GPR158: variants seen among roughly 807,000 people sequenced by gnomAD.
GPR158 encodes metabotropic glycine receptor.
A neutral mutation model predicts 78.2 loss-of-function variants in GPR158; 30 were observed. That is an observed-to-expected ratio of 0.38 (90% CI 0.29 to 0.52). The LOEUF (loss-of-function observed/expected upper bound fraction) is 0.52. Among genes scored for constraint, GPR158 ranks in the 20% least tolerant of loss-of-function variants. The pLI is 0.83. For synonymous variants in GPR158, 581 were observed against 591.1 expected (o/e 0.98, Z 0.25); for missense variants, 1,463 against 1,523.5 (o/e 0.96, Z 0.66).
At chr10:25,485,284 T>G (rs1835720949) in intron 5 of GPR158, among the ~76,000 whole-genome samples, 1 of 152,044 alleles carries the variant, frequency 6.6e-6, no homozygotes, top group South Asian at 2.1e-4. Flanking sequence ...AATCATACTT[T>G]AAGTGTCAAG....
chr10:25,501,647 G>A (rs1380080871), intron 5 of GPR158, among the ~76,000 whole-genome samples: 1 of 152,170 alleles, frequency 6.6e-6, no homozygotes, highest in Non-Finnish European at 1.5e-5. Flanking sequence ...TGGGAATGCG[G>A]CTCTGGCCAG....
rs543065245 is a variant in GPR158 at position 25,223,305 on chromosome 10, G to A, written c.1008+2148G>A. ...GTTCAACTTGCACTCTGTCATTCTCGCCCCCTTTCATTGCCCAGGTACTGG... is the reference window on the plus strand; with the variant it reads ...GTTCAACTTGCACTCTGTCATTCTCACCCCCTTTCATTGCCCAGGTACTGG... On this transcript the variant is annotated intron_variant, in intron 2 of 10. Transcript: ENST00000376351. Among the ~76,000 whole-genome samples, 12 of 152,176 alleles carry A rather than the reference G, an allele frequency of 7.9e-5. No homozygotes were observed. The South Asian group carries it at 1.0e-3, about 13-fold the overall frequency.
At chr10:25,422,880 A>G (rs1042002298) in intron 4 of GPR158, among the ~76,000 whole-genome samples, 1 of 95,006 alleles carries the variant, frequency 1.1e-5, no homozygotes, top group African/African-American at 3.3e-5. Flanking sequence ...CAAGTCCCCA[A>G]AGTTCATTGT....
chr10:25,544,233 C>T (rs1423727689), intron 5 of GPR158, among the ~76,000 whole-genome samples: 1 of 152,026 alleles, frequency 6.6e-6, no homozygotes, highest in Non-Finnish European at 1.5e-5. Context: ...TTCAATGCAA[C>T]GTCTTTATAA....
intron 2 of GPR158, among the ~76,000 whole-genome samples, chr10:25,395,523 C>A (rs1012302619): frequency 6.6e-6 from 1 of 152,128 alleles, no homozygotes; most frequent in Non-Finnish European, 1.5e-5. Context: ...TACCCACCTA[C>A]CTACCTTTGC....
At chr10:25,364,191 G>A (rs34692830) in intron 2 of GPR158, among the ~76,000 whole-genome samples, 23,885 of 151,566 alleles carry the variant, frequency 0.16, 2,177 homozygotes, top group African/African-American at 0.25. Context: ...AATATAGCTG[G>A]GACTTTAATT....
At chr10:25,325,625 C>G (rs1855019213) in intron 2 of GPR158, among the ~76,000 whole-genome samples, 1 of 152,104 alleles carries the variant, frequency 6.6e-6, no homozygotes, top group Admixed American at 6.6e-5. Context: ...TTGGCTATAT[C>G]CCAGAAGTGA....
chr10:25,436,154 T>C (rs1341968), intron 4 of GPR158, among the ~76,000 whole-genome samples: 72,493 of 152,094 alleles, frequency 0.48, 19,338 homozygotes, highest in Non-Finnish European at 0.61. Flanking sequence ...GATTTTCAGA[T>C]AAACAATGAA....
intron 2 of GPR158, among the ~76,000 whole-genome samples, chr10:25,380,305 C>T (rs1834137156): frequency 1.3e-5 from 2 of 152,106 alleles, no homozygotes; most frequent in Admixed American, 1.3e-4. Flanking sequence ...CACTGTTGTT[C>T]TTTGTAGTTT....
intron 2 of GPR158, among the ~76,000 whole-genome samples, chr10:25,251,121 G>T (rs1796415336): frequency 6.6e-6 from 1 of 152,134 alleles, no homozygotes; most frequent in South Asian, 2.1e-4. Flanking sequence ...TTTTATCAGA[G>T]ACTAGGAATG....
chr10:25,312,883 G>T (rs780528661), intron 2 of GPR158, among the ~76,000 whole-genome samples: 1 of 151,776 alleles, frequency 6.6e-6, no homozygotes, highest in African/African-American at 2.4e-5. Context: ...ATGCTAAGAC[G>T]CCAGCAAAAT....
At position 25,317,658 on chromosome 10, in the gene GPR158, T is replaced by G. The variant is rs184610088; in HGVS notation, c.1009-78253T>G. On this transcript the variant is annotated intron_variant, in intron 2 of 10. Coordinates refer to ENST00000376351, the MANE Select transcript of GPR158 (RefSeq NM_020752.3). ...TGGTATAGTCTTCTTTTGCTTTGTG[T>G]TTAGGTTTAAATCAGCTGAATTGTT... Among the ~76,000 whole-genome samples, 367 of 152,160 alleles carry G rather than the reference T, an allele frequency of 2.4e-3. 3 individuals carry two copies. Among genetic ancestry groups the G allele is most frequent in the Middle Eastern group, 0.01 (3 of 294 alleles).
At chr10:25,237,180 C>G (rs1853537212) in intron 2 of GPR158, among the ~76,000 whole-genome samples, 1 of 152,060 alleles carries the variant, frequency 6.6e-6, no homozygotes. Context: ...TATCTTAAGA[C>G]CCATAAGAAA....
intron 2 of GPR158, among the ~76,000 whole-genome samples, chr10:25,236,464 C>T (rs1482556904): frequency 2.0e-5 from 3 of 152,264 alleles, no homozygotes; most frequent in Admixed American, 6.5e-5. Context: ...GCCGAGATTG[C>T]ACCACTGCAC....
chr10:25,400,317 T>A (rs1206560841), intron 3 of GPR158, among the ~76,000 whole-genome samples: 1 of 152,210 alleles, frequency 6.6e-6, no homozygotes, highest in East Asian at 1.9e-4. Flanking sequence ...TGTAGTCTTG[T>A]GGCCCCTTTG....
chr10:25,420,428 C>T (rs1023805597), intron 4 of GPR158, among the ~76,000 whole-genome samples: 1 of 152,134 alleles, frequency 6.6e-6, no homozygotes, highest in African/African-American at 2.4e-5. Flanking sequence ...GCTGGGATTA[C>T]CAGCATGAGC....
intron 2 of GPR158, among the ~76,000 whole-genome samples, chr10:25,224,757 T>A (rs1160464947): frequency 4.1e-4 from 62 of 152,238 alleles, no homozygotes; most frequent in African/African-American, 1.2e-3. Context: ...TGCTACCAAT[T>A]TTTGCAGAGG....
At chr10:25,396,391 T>C (rs1834362947) in intron 3 of GPR158, among the ~76,000 whole-genome samples, 1 of 152,194 alleles carries the variant, frequency 6.6e-6, no homozygotes, top group Non-Finnish European at 1.5e-5. Flanking sequence ...CATAAAAAGT[T>C]ACCATAAAGT....
intron 4 of GPR158, among the ~76,000 whole-genome samples, chr10:25,431,796 G>A (rs7087188): frequency 0.47 from 70,806 of 151,754 alleles, 18,844 homozygotes; most frequent in Non-Finnish European, 0.61. Context: ...ACTCATATGT[G>A]GGAATTGAAT....
Sources: gnomAD v4.1 joint callset for allele counts (sites outside exome capture counted in the v4.1 genomes callset) on GRCh38, gnomAD v4.1.1 for gene constraint, MANE v1.5 for transcripts, NCBI Gene and HGNC (gene_info 2026-07-23, HGNC 2026-07-21) for gene names.